The following LRMDA variants were observed in gnomAD, a reference collection of about 807,000 sequenced individuals.
LRMDA encodes the protein leucine rich melanocyte differentiation associated, also known as leucine-rich melanocyte differentiation-associated protein.
In LRMDA, 18 loss-of-function variants were observed where a neutral mutation model predicts 29.8. That is an observed-to-expected ratio of 0.60 (90% CI 0.42 to 0.90). The LOEUF (loss-of-function observed/expected upper bound fraction) is 0.90. Ranked by LOEUF, LRMDA falls within the 40% of genes least tolerant of loss-of-function variation. LRMDA has a pLI of 0.00. For missense variants in LRMDA, 273 were observed against 273.9 expected, an observed-to-expected ratio of 1.00 and a Z score of 0.02; for synonymous variants, 125 against 109.4, an observed-to-expected ratio of 1.14 and a Z score of -0.89.
At chr10:75,650,320 C>G (rs1841581137) in intron 2 of LRMDA, among the ~76,000 whole-genome samples, 1 of 152,164 alleles carries the variant, frequency 6.6e-6, no homozygotes, top group African/African-American at 2.4e-5. Flanking sequence ...AAGGGTCCAA[C>G]TCACTTTTTT....
At chr10:75,651,507 A>C (rs914468372) in intron 2 of LRMDA, among the ~76,000 whole-genome samples, 2 of 152,212 alleles carry the variant, frequency 1.3e-5, no homozygotes, top group Non-Finnish European at 2.9e-5. Context: ...TTATTCATCC[A>C]TTCTCTGGAC....
At chr10:76,169,783 AG>A (rs1272765688) in intron 5 of LRMDA, among the ~76,000 whole-genome samples, 1 of 152,212 alleles carries the variant, frequency 6.6e-6, no homozygotes, top group Non-Finnish European at 1.5e-5. Context: ...TAGTGAAAAA[AG>A]ATTACAGCCC....
At chr10:76,008,197 A>T (rs184373918) in intron 2 of LRMDA, among the ~76,000 whole-genome samples, 1 of 152,292 alleles carries the variant, frequency 6.6e-6, no homozygotes. Context: ...GCTACACAAT[A>T]GACTGTCAAA....
chr10:75,667,657 TCA>T (rs1841840127), intron 2 of LRMDA, among the ~76,000 whole-genome samples: 2 of 152,348 alleles, frequency 1.3e-5, no homozygotes, highest in East Asian at 3.9e-4. Context: ...GGTAGGATGT[TCA>T]CTTCTTCTAC....
At chr10:75,711,451 GT>G (rs985892659) in intron 2 of LRMDA, among the ~76,000 whole-genome samples, 2 of 152,092 alleles carry the variant, frequency 1.3e-5, no homozygotes, top group African/African-American at 4.8e-5. Context: ...ACAATTCCCT[GT>G]TTTTTTGGAA....
At chr10:76,050,258 A>T (rs1429158753) in intron 4 of LRMDA, among the ~76,000 whole-genome samples, 1 of 152,226 alleles carries the variant, frequency 6.6e-6, no homozygotes, top group Non-Finnish European at 1.5e-5. Context: ...AAATGGCATC[A>T]CAGAGCTTGA....
chr10:76,528,314 CA>C (rs1019614272), intron 6 of LRMDA, among the ~76,000 whole-genome samples: 11 of 151,888 alleles, frequency 7.2e-5, no homozygotes, highest in African/African-American at 2.7e-4. Flanking sequence ...TCACAGAACA[CA>C]ATGTTATATA....
chr10:75,760,639 G>T (rs1325932407), intron 2 of LRMDA, among the ~76,000 whole-genome samples: 3 of 152,156 alleles, frequency 2.0e-5, no homozygotes, highest in Non-Finnish European at 2.9e-5. Flanking sequence ...CTCAGCAAGG[G>T]CAAAGTTTAA....
intron 2 of LRMDA, among the ~76,000 whole-genome samples, chr10:75,928,622 T>A (rs1477926722): frequency 6.6e-6 from 1 of 152,156 alleles, no homozygotes; most frequent in Non-Finnish European, 1.5e-5. Context: ...TAAAATGGAT[T>A]TAATGCTTAA....
intron 2 of LRMDA, among the ~76,000 whole-genome samples, chr10:75,510,916 A>G (rs1283110796): frequency 6.6e-6 from 1 of 152,206 alleles, no homozygotes; most frequent in Non-Finnish European, 1.5e-5. Flanking sequence ...GTACCTGCCC[A>G]TTCCATAGCT....
In LRMDA at chr10:76,382,972, A is replaced by G. The variant is rs564747834; in HGVS notation, c.601+58487A>G. 2.0e-5 allele frequency among the ~76,000 whole-genome samples: 3 copies of G among 152,366 alleles called. No homozygotes were observed. In the South Asian group the frequency reaches 6.2e-4, roughly 32 times the overall value. On this transcript the variant is annotated intron_variant, in intron 6 of 6. Coordinates refer to ENST00000611255, the MANE Select transcript of LRMDA (RefSeq NM_001305581.2). ...TGCCTTTTTCCCATTACAGTTCAGCACAGAGAAAGGACAATTACTGTTTTT... is the reference window on the plus strand; with the variant it reads ...TGCCTTTTTCCCATTACAGTTCAGCGCAGAGAAAGGACAATTACTGTTTTT...
intron 2 of LRMDA, among the ~76,000 whole-genome samples, chr10:75,946,155 C>T (rs971299929): frequency 1.3e-5 from 2 of 152,172 alleles, no homozygotes; most frequent in Non-Finnish European, 1.5e-5. Flanking sequence ...GCTTTTTTCT[C>T]TTCCACTTGG....
intron 5 of LRMDA, among the ~76,000 whole-genome samples, chr10:76,138,580 T>C (rs547750636): frequency 1.3e-5 from 2 of 152,312 alleles, no homozygotes; most frequent in East Asian, 3.9e-4. Context: ...GTAAGTTTTT[T>C]TGGCATTCTC....
intron 2 of LRMDA, among the ~76,000 whole-genome samples, chr10:75,495,297 C>T (rs564500191): frequency 6.6e-6 from 1 of 152,122 alleles, no homozygotes; most frequent in African/African-American, 2.4e-5. Context: ...AATGCCCCTC[C>T]CTAGTTCTAT....
chr10:76,363,176 A>AGAAAGAAAGAAGGGAGGGAG (rs1459442138), intron 6 of LRMDA, among the ~76,000 whole-genome samples: 3 of 21,750 alleles, frequency 1.4e-4, no homozygotes, highest in African/African-American at 1.5e-4. Context: ...AAAGAAAGAA[A>AGAAAGAAAGAAGGGAGGGAG]GGAGGGAGGG....
intron 6 of LRMDA, among the ~76,000 whole-genome samples, chr10:76,359,243 T>C (rs1205392726): frequency 6.6e-6 from 1 of 152,192 alleles, no homozygotes; most frequent in Non-Finnish European, 1.5e-5. Flanking sequence ...CATCATTCAT[T>C]CCATTGGTCA....
chr10:76,125,785 C>T (rs1307348233), intron 5 of LRMDA, among the ~76,000 whole-genome samples: 2 of 152,192 alleles, frequency 1.3e-5, no homozygotes, highest in Non-Finnish European at 2.9e-5. Context: ...GTCTCGACCT[C>T]CTCAGTTTCT....
chr10:75,690,990 T>TACACAC (rs748067102), intron 2 of LRMDA, among the ~76,000 whole-genome samples: 32 of 92,000 alleles, frequency 3.5e-4, no homozygotes, highest in African/African-American at 1.3e-3. Context: ...TATATATATA[T>TACACAC]ATATACACAC....
intron 2 of LRMDA, among the ~76,000 whole-genome samples, chr10:75,497,011 G>A (rs919495640): frequency 2.5e-4 from 38 of 151,098 alleles, no homozygotes; most frequent in African/African-American, 9.3e-4. Flanking sequence ...TTTCTTTAAA[G>A]GGATTTAGAG....
Sources: gnomAD v4.1 joint callset for allele counts (sites outside exome capture counted in the v4.1 genomes callset) on GRCh38, gnomAD v4.1.1 for gene constraint, MANE v1.5 for transcripts, NCBI Gene and HGNC (gene_info 2026-07-23, HGNC 2026-07-21) for gene names.